Variants in UGT2A1 observed in about 807,000 individuals in gnomAD.
UGT2A1 encodes the protein UDP-glucuronosyltransferase 2A1.
A neutral mutation model predicts 45.4 loss-of-function variants in UGT2A1; 61 were observed. The ratio of observed to expected loss-of-function variants is 1.34; its 90% CI spans 1.09 to 1.66. The LOEUF (loss-of-function observed/expected upper bound fraction) is 1.66. Ranked by LOEUF, UGT2A1 falls within the 40% of genes most tolerant of loss-of-function variation. UGT2A1 has a pLI of 0.00. For missense variants in UGT2A1, 649 were observed against 574.3 expected (o/e 1.13, Z -1.33); for synonymous variants, 229 against 196.2 (o/e 1.17, Z -1.40).
intron 3 of UGT2A1, among the ~76,000 whole-genome samples, chr4:69,607,835 G>T (rs7668967): frequency 0.25 from 38,387 of 151,662 alleles, 5,245 homozygotes; most frequent in African/African-American, 0.36. Context: ...ATCATCACTG[G>T]CCATCAGAGA....
chr4:69,624,123 CTTTAATTTTCATCAA>C (rs1333340463), intron 3 of UGT2A1, among the ~76,000 whole-genome samples: 17 of 151,530 alleles, frequency 1.1e-4, no homozygotes, highest in African/African-American at 4.1e-4. Flanking sequence ...TCTATTTCTC[CTTTAATTTTCATCAA>C]TTTACTTTCT....
At chr4:69,630,498 G>A (rs1166097778) in intron 3 of UGT2A1, among the ~76,000 whole-genome samples, 12 of 151,986 alleles carry the variant, frequency 7.9e-5, no homozygotes, top group African/African-American at 2.4e-4. Context: ...TTTGAATTTT[G>A]CAGATTCAAT....
At chr4:69,650,632 C>T (rs1252190601) in intron 1 of UGT2A1, among the ~76,000 whole-genome samples, 1 of 151,714 alleles carries the variant, frequency 6.6e-6, no homozygotes, top group Non-Finnish European at 1.5e-5. Context: ...ATAATACATA[C>T]CACATATAAG....
At chr4:69,648,257 G>C (rs1156308487) in intron 1 of UGT2A1, among the ~76,000 whole-genome samples, 1 of 146,628 alleles carries the variant, frequency 6.8e-6, no homozygotes, top group Non-Finnish European at 1.5e-5. Flanking sequence ...AACACATATA[G>C]TATTATATTA....
chr4:69,631,736 A>G (rs1457523574), intron 3 of UGT2A1, among the ~76,000 whole-genome samples: 2 of 152,184 alleles, frequency 1.3e-5, no homozygotes, highest in South Asian at 4.2e-4. Flanking sequence ...TAGCCACTAC[A>G]TCAGGGTATT....
intron 3 of UGT2A1, among the ~76,000 whole-genome samples, chr4:69,630,870 T>C (rs1721342097): frequency 6.6e-6 from 1 of 152,010 alleles, no homozygotes; most frequent in Non-Finnish European, 1.5e-5. Context: ...ATATCAATTA[T>C]ACATATATTA....
intron 2 of UGT2A1, among the ~76,000 whole-genome samples, chr4:69,646,577 G>T (rs1481387490): frequency 6.6e-6 from 1 of 151,740 alleles, no homozygotes; most frequent in Non-Finnish European, 1.5e-5. Context: ...CTTGTGGAAA[G>T]TTTAACATTT....
chr4:69,607,201 G>GTACTGGTACCAAAACAGCATGT (rs1719683151), intron 3 of UGT2A1, among the ~76,000 whole-genome samples: 1 of 150,242 alleles, frequency 6.7e-6, no homozygotes, highest in Non-Finnish European at 1.5e-5. Flanking sequence ...AAACAGCATG[G>GTACTGGTACCAAAACAGCATGT]TACTGGTACC....
intron 3 of UGT2A1, among the ~76,000 whole-genome samples, chr4:69,615,674 C>T (rs148663900): frequency 9.4e-4 from 143 of 151,854 alleles, no homozygotes; most frequent in Middle Eastern, 3.4e-3. Flanking sequence ...ATCATCTGAG[C>T]CCAGTTCAAA....
intron 3 of UGT2A1, among the ~76,000 whole-genome samples, chr4:69,635,070 A>G (rs1302429622): frequency 6.6e-6 from 1 of 152,170 alleles, no homozygotes; most frequent in African/African-American, 2.4e-5. Context: ...AAAACATCCT[A>G]TCTACCCCCT....
intron 3 of UGT2A1, among the ~76,000 whole-genome samples, chr4:69,625,368 A>T (rs545914118): frequency 6.6e-6 from 1 of 150,696 alleles, no homozygotes; most frequent in African/African-American, 2.4e-5. Context: ...TTATTTTAAT[A>T]TTTTTTTCTG....
At chr4:69,598,017 G>T (rs1015355552) in intron 4 of UGT2A1, among the ~76,000 whole-genome samples, 5 of 152,024 alleles carry the variant, frequency 3.3e-5, no homozygotes, top group Admixed American at 2.0e-4. Context: ...GTAAAAAGTG[G>T]GTTTGGGAGG....
At chr4:69,626,050 C>T (rs1721039285) in intron 3 of UGT2A1, among the ~76,000 whole-genome samples, 1 of 151,474 alleles carries the variant, frequency 6.6e-6, no homozygotes, top group African/African-American at 2.4e-5. Flanking sequence ...GTGAACTTGT[C>T]TGTTTAATAA....
rs963294172 is a variant in UGT2A1 at position 69,595,045 on chromosome 4, T to C, written c.1084+117A>G. ...TTATGTAATTATATCTGCTTTAAAA[T>C]TGAGTGTCAAATAACATTTTAAATT... On this transcript the variant is annotated intron_variant, in intron 5 of 6. Coordinates refer to ENST00000286604, the MANE Select transcript of UGT2A1 (RefSeq NM_001252275.3). 43 of 1,371,378 alleles carry C rather than the reference T, an allele frequency of 3.1e-5. No homozygotes were observed. In the East Asian group the frequency reaches 7.5e-4, roughly 24 times the overall value. The allele number at this position is 1,371,378 out of a possible 1,614,324, so 85.0% of individuals were successfully genotyped here.
chr4:69,639,425 G>A (rs773082420), intron 2 of UGT2A1: 1 of 1,613,278 alleles, frequency 6.2e-7, no homozygotes, highest in Non-Finnish European at 8.5e-7. Flanking sequence ...AATCGGGATT[G>A]GAGTTGATGA....
intron 3 of UGT2A1, among the ~76,000 whole-genome samples, chr4:69,626,878 C>G (rs1164801130): frequency 2.0e-5 from 3 of 151,450 alleles, no homozygotes; most frequent in South Asian, 2.1e-4. Flanking sequence ...CACAGTAGTT[C>G]CTGTATTCTT....
At chr4:69,631,393 A>T (rs192267271) in intron 3 of UGT2A1, among the ~76,000 whole-genome samples, 51 of 152,246 alleles carry the variant, frequency 3.3e-4, no homozygotes, top group African/African-American at 1.2e-3. Context: ...TAATAATCCA[A>T]ATGTTTAGAA....
intron 1 of UGT2A1, among the ~76,000 whole-genome samples, chr4:69,648,000 C>G (rs905589144): frequency 6.6e-6 from 1 of 151,728 alleles, no homozygotes; most frequent in African/African-American, 2.4e-5. Context: ...TACATCTCAA[C>G]TCTACATTCA....
chr4:69,636,674 C>T (rs2109964870), intron 2 of UGT2A1, among the ~76,000 whole-genome samples: 1 of 152,106 alleles, frequency 6.6e-6, no homozygotes. Flanking sequence ...TTTTTGGCTA[C>T]TTTCCATTTA....
Sources: allele counts gnomAD v4.1 joint callset (sites outside exome capture counted in the v4.1 genomes callset), GRCh38; gene constraint gnomAD v4.1.1; transcripts MANE v1.5; gene names NCBI Gene and HGNC (gene_info 2026-07-23, HGNC 2026-07-21).